Variants in MRPL4 observed in about 807,000 individuals in gnomAD.
The protein encoded by MRPL4 is large ribosomal subunit protein uL4m.
MRPL4 carries 34 observed loss-of-function variants against 34.1 expected under a neutral mutation model. The ratio of observed to expected loss-of-function variants is 1.00; its 90% CI spans 0.76 to 1.33. The LOEUF is 1.33. Among genes scored for constraint, MRPL4 ranks in the 40% most tolerant of loss-of-function variants. The pLI is 0.00. For missense variants in MRPL4, 402 were observed against 434.6 expected (o/e 0.92, Z 0.67); for synonymous variants, 196 against 188.3 (o/e 1.04, Z -0.33).
intron 3 of MRPL4, among the ~76,000 whole-genome samples, chr19:10,253,687 A>C (rs2039821178): frequency 6.6e-6 from 1 of 151,792 alleles, no homozygotes; most frequent in Non-Finnish European, 1.5e-5. Flanking sequence ...GCTACTCAGG[A>C]GGCTGAGGCA....
chr19:10,256,016 G>A (rs532889645), intron 4 of MRPL4, among the ~76,000 whole-genome samples: 5 of 152,084 alleles, frequency 3.3e-5, no homozygotes, highest in East Asian at 3.9e-4. Flanking sequence ...GGCCAGGTGC[G>A]GTGGCTCACA....
chr19:10,252,800 T>C (rs2039807723), intron 3 of MRPL4, 99 bp downstream of exon 3: 1 of 1,459,212 alleles, frequency 6.9e-7, no homozygotes, highest in Non-Finnish European at 9.2e-7. Flanking sequence ...GGGAAAGTGC[T>C]GTATTTCTAC....
intron 8 of MRPL4, chr19:10,259,292 A>G: frequency 2.9e-6 from 4 of 1,379,394 alleles, no homozygotes; most frequent in Non-Finnish European, 3.7e-6. Flanking sequence ...CAGGCCCTGC[A>G]CGATGTGCCC....
chr19:10,257,923 T>A (rs913165417), intron 5 of MRPL4, among the ~76,000 whole-genome samples: 3 of 152,028 alleles, frequency 2.0e-5, no homozygotes, highest in African/African-American at 7.2e-5. Flanking sequence ...CATAGCTCAC[T>A]GCAGCCTTGA....
upstream of MRPL4, chr19:10,252,122 G>A: frequency 8.5e-7 from 1 of 1,171,840 alleles, no homozygotes; most frequent in Non-Finnish European, 1.2e-6. Flanking sequence ...CTCCATCTTC[G>A]GTTTTGCACA....
rs980169182 is a variant in MRPL4 at position 10,252,693 on chromosome 19, C to T, written c.267C>T (p.Thr89=). Residue 89 remains threonine (T), a synonymous_variant, in exon 3 of 9, where the codon ACC becomes ACT. Transcript: ENST00000253099. ...LADLHPDVFA[T]APRLDILHQV... ...ACCTGCACCCCGATGTTTTCGCCAC[C>T]GCGCCCAGGTGAGCGAGGGCTGTAA... is the stretch of plus-strand genomic sequence containing the variant. The T allele has an allele frequency of 1.2e-6, 2 of 1,602,380 alleles. No homozygotes were observed. Among genetic ancestry groups the T allele is most frequent in the East Asian group, 4.5e-5 (2 of 44,862 alleles).
chr19:10,259,850 G>A lies in MRPL4; in HGVS notation c.*37G>A, dbSNP rs199709894. ...TCTTCTGAGCCAGGCCGAGCCCCTGGCCGACTTGGGAGCCTCAGGCCCACG... is the reference window on the plus strand; with the variant it reads ...TCTTCTGAGCCAGGCCGAGCCCCTGACCGACTTGGGAGCCTCAGGCCCACG... On this transcript the variant is annotated 3_prime_UTR_variant, in exon 9 of 9. Coordinates refer to ENST00000253099, the MANE Select transcript of MRPL4 (RefSeq NM_015956.3). 535 of 1,558,616 alleles carry A rather than the reference G, an allele frequency of 3.4e-4. 1 individual carries two copies. The African/African-American group carries it at 6.7e-3, about 20-fold the overall frequency.
chr19:10,252,410 T>A lies in MRPL4; in HGVS notation c.71T>A (p.Leu24Gln). The change falls in exon 2 of 9, where the codon CTG (leucine) becomes CAG (glutamine). Residue 24 changes from leucine to glutamine, a missense_variant. Transcript: ENST00000253099. ...CAACCCTTGCAGGGCCTGAGTTCCC[T>A]GGCGGAAGAGGCAGCGCGTGCGACC... Reference protein sequence around the residue: ...RPTGSQGLSSLAEEAARATEN... With the variant: ...RPTGSQGLSSQAEEAARATEN... 1 of 1,614,010 alleles carries A rather than the reference T, an allele frequency of 6.2e-7. No homozygotes were observed. The highest frequency in any genetic ancestry group is 8.5e-7 in the Non-Finnish European group (1 of 1,179,966).
rs77884668 is a variant in MRPL4, at chr19:10,259,634, A to G, written c.757A>G (p.Met253Val). 3,056 of 1,386,456 alleles carry G rather than the reference A, an allele frequency of 2.2e-3. 46 individuals are homozygous for G. In the African/African-American group the frequency reaches 0.044, roughly 20 times the overall value. 85.9% of individuals were successfully genotyped at this position (1,386,456 alleles called of 1,614,324 possible). The change falls in exon 9 of 9, where the codon ATG (methionine) becomes GTG (valine). Residue 253 changes from methionine to valine, a missense_variant. Coordinates refer to ENST00000253099, the MANE Select transcript of MRPL4 (RefSeq NM_015956.3). Reference sequence around the variant, plus strand: ...GCCCCCAGGCCTAAATGTGCACAGCATGCTCAAGCACCAGACGCTGGTCCT... The same window carrying G: ...GCCCCCAGGCCTAAATGTGCACAGCGTGCTCAAGCACCAGACGCTGGTCCT... ...IPAVGLNVHS[M>V]LKHQTLVLTL...
In MRPL4 at chr19:10,252,627, G is replaced by A; in HGVS notation, c.201G>A (p.Glu67=). The change falls in exon 3 of 9, where the codon GAG becomes GAA. Residue 67 remains glutamate, a synonymous_variant. Coordinates refer to ENST00000253099, the MANE Select transcript of MRPL4 (RefSeq NM_015956.3). ...GACGCCCAGTGCAGGCCTGGGTCGA[G>A]TCCTTGCGGGGCTTCGAGCAGGAGC... ...THRRPVQAWV[E]SLRGFEQERV... is the part of the protein sequence containing the mutation. The A allele has an allele frequency of 5.0e-6, 8 of 1,611,570 alleles. No individual in the cohort carries two copies. The highest frequency in any genetic ancestry group is 6.8e-6 in the Non-Finnish European group (8 of 1,179,902).
At chr19:10,258,744 CA>C in intron 8 of MRPL4, 59 bp downstream of exon 8, 3 of 1,613,722 alleles carry the variant, frequency 1.9e-6, no homozygotes, top group Non-Finnish European at 1.7e-6. Context: ...GTTAGAATCA[CA>C]GCGGTTCAAA....
chr19:10,252,524 A>T lies in MRPL4; in HGVS notation c.125-27A>T, dbSNP rs765706684. The T allele has an allele frequency of 1.9e-6, 3 of 1,613,434 alleles. No homozygotes were observed. The East Asian group carries it at 6.7e-5, about 36-fold the overall frequency. ...ACAGAGAGGTCTGACCCTTGACCCT[A>T]ACCTCTGACCCCCGCAATCGCTCCA... is the stretch of plus-strand genomic sequence containing the variant. On this transcript the variant is annotated intron_variant, in intron 2 of 8. Coordinates refer to ENST00000253099, the MANE Select transcript of MRPL4 (RefSeq NM_015956.3).
In MRPL4 at chr19:10,256,602, C is replaced by T. The variant is rs761951126; in HGVS notation, c.328-106C>T. ...ACTCTGTGCTTGGCCAGAGAGAGCCCGTCATCATGGTGCCTCCTGTCTGAC... is the reference window on the plus strand; with the variant it reads ...ACTCTGTGCTTGGCCAGAGAGAGCCTGTCATCATGGTGCCTCCTGTCTGAC... On this transcript the variant is annotated intron_variant, in intron 4 of 8. Transcript: ENST00000253099. 624 of 876,672 alleles carry T rather than the reference C, an allele frequency of 7.1e-4. 1 individual carries two copies. Among genetic ancestry groups the T allele is most frequent in the South Asian group, 9.4e-4 (62 of 66,260 alleles). The allele number at this position is 876,672 out of a possible 1,614,324, so 54.3% of individuals were successfully genotyped here.
At chr19:10,258,582 A>AC (rs970428840) in intron 7 of MRPL4, 27 bp from the exon 8 acceptor site, 5 of 1,613,750 alleles carry the variant, frequency 3.1e-6, no homozygotes, top group East Asian at 4.5e-5. Context: ...TGAGGGTTCA[A>AC]CCCCCACTCC....
chr19:10,257,939 T>G (rs1313213791), intron 5 of MRPL4, among the ~76,000 whole-genome samples: 1 of 152,130 alleles, frequency 6.6e-6, no homozygotes, highest in East Asian at 1.9e-4. Context: ...CTTGAGCTCC[T>G]GGGCTCAAGT....
chr19:10,253,780 A>G (rs113186126), intron 3 of MRPL4, among the ~76,000 whole-genome samples: 24,076 of 138,056 alleles, frequency 0.17, 2,145 homozygotes, highest in Non-Finnish European at 0.22. Context: ...CGACAGAGAC[A>G]GACTCCATCT....
Position 10,259,926 on chromosome 19 carries a change from G to T in MRPL4, c.*113G>T, listed in dbSNP as rs1355262018. 2 of 997,684 alleles carry T rather than the reference G, an allele frequency of 2.0e-6. No individual in the cohort carries two copies. Among genetic ancestry groups the T allele is most frequent in the Non-Finnish European group, 2.8e-6 (2 of 704,164 alleles). 61.8% of individuals were successfully genotyped at this position (997,684 alleles called of 1,614,324 possible). A position where few individuals can be genotyped will look rare whatever the true frequency, so the allele number is the denominator to read the frequency against. On this transcript the variant is annotated 3_prime_UTR_variant, in exon 9 of 9. Transcript: ENST00000253099. ...TGGACCCCTTCATTCCACGGAGGAAGCTGAGGCCACAGGGAGCGGCCATCG... is the reference window on the plus strand; with the variant it reads ...TGGACCCCTTCATTCCACGGAGGAATCTGAGGCCACAGGGAGCGGCCATCG...
At chr19:10,252,207 A>G (rs2039796877), upstream of MRPL4, 2 of 1,527,694 alleles carry the variant, frequency 1.3e-6, no homozygotes, top group Non-Finnish European at 1.8e-6. Flanking sequence ...GCGCCTCGCG[A>G]GGCTCCAGTG....
At chr19:10,256,578 C>T (rs1211141984) in intron 4 of MRPL4, 130 bp from the exon 5 acceptor site, 1 of 710,150 alleles carries the variant, frequency 1.4e-6, no homozygotes, top group East Asian at 2.9e-5. Flanking sequence ...TCCCCAAGTA[C>T]TCTGTGCTTG....
Sources: gnomAD v4.1 joint callset for allele counts (sites outside exome capture counted in the v4.1 genomes callset) on GRCh38, gnomAD v4.1.1 for gene constraint, MANE v1.5 for transcripts, NCBI Gene and HGNC (gene_info 2026-07-23, HGNC 2026-07-21) for gene names.